Variants in HLA-DRB1 observed in about 807,000 individuals in gnomAD.
The protein encoded by HLA-DRB1 is major histocompatibility complex, class II, DR beta 1.
HLA-DRB1 carries 10 observed loss-of-function variants against 27.9 expected under a neutral mutation model. That is an observed-to-expected ratio of 0.36 (90% CI 0.22 to 0.61). The LOEUF (loss-of-function observed/expected upper bound fraction) is 0.61, where lower values mean the gene tolerates loss of function less well. Ranked by LOEUF, HLA-DRB1 falls within the 20% of genes least tolerant of loss-of-function variation. The pLI, the probability that HLA-DRB1 is intolerant of heterozygous loss-of-function variation, is 0.73. For synonymous variants in HLA-DRB1, 57 were observed against 126.7 expected (o/e 0.45, Z 3.69); for missense variants, 118 against 306.3 (o/e 0.39, Z 4.59).
At chr6:32,589,044 C>A (rs28724224) in intron 1 of HLA-DRB1, among the ~76,000 whole-genome samples, 10,391 of 83,868 alleles carry the variant, frequency 0.12, 666 homozygotes, top group African/African-American at 0.15. Flanking sequence ...CTTTTCCCCA[C>A]AAGAAAGGAA....
At chr6:32,585,276 G>C (rs9270019) in intron 1 of HLA-DRB1, among the ~76,000 whole-genome samples, 35,632 of 60,804 alleles carry the variant, frequency 0.59, 14,815 homozygotes, top group Admixed American at 0.65. Flanking sequence ...ATCAGAAATT[G>C]TGTCAATAAT....
chr6:32,582,489 G>A (rs41293224), intron 2 of HLA-DRB1, among the ~76,000 whole-genome samples: 19,465 of 75,448 alleles, frequency 0.26, 2,472 homozygotes, highest in Middle Eastern at 0.44. Flanking sequence ...GGTACATGAG[G>A]AAACCAAGTA....
At chr6:32,584,017 TCA>T (rs776532129) in intron 2 of HLA-DRB1, 90 bp downstream of exon 2, 12,065 of 173,800 alleles carry the variant, frequency 0.069, 111 homozygotes, top group Non-Finnish European at 0.085. Flanking sequence ...TGTCTCTCTC[TCA>T]CACACACACA....
chr6:32,583,484 A>G (rs41284708), intron 2 of HLA-DRB1, among the ~76,000 whole-genome samples: 1,779 of 40,252 alleles, frequency 0.044, 160 homozygotes, highest in Middle Eastern at 0.091. Context: ...TACACACTGA[A>G]AAAAACAAAA....
chr6:32,582,290 C>T (rs9269833), intron 2 of HLA-DRB1, among the ~76,000 whole-genome samples: 47,686 of 113,198 alleles, frequency 0.42, 12,515 homozygotes, highest in Middle Eastern at 0.5. Context: ...GATTAATGCA[C>T]GTAAAATATA....
chr6:32,587,941 A>G (rs1181952033), intron 1 of HLA-DRB1, among the ~76,000 whole-genome samples: 5 of 149,136 alleles, frequency 3.4e-5, no homozygotes, highest in Admixed American at 1.3e-4. Flanking sequence ...AGTGTGGTTT[A>G]CATGAATAAA....
At position 32,584,170 on chromosome 6, in the gene HLA-DRB1, C is replaced by T. The variant is rs17880261; in HGVS notation, c.309G>A (p.Ala103=). The stretch of plus-strand genomic sequence containing the variant: ...AGTTGTGTCTGCAGTAGGTGTCCAC[C>T]GCGGCCCGCGCCTGCTCCAGGATGT... The change falls in exon 2 of 6, where the codon GCG becomes GCA. Residue 103 remains alanine, a synonymous_variant. Transcript: ENST00000360004. 2.0e-3 allele frequency: 2,273 copies of T among 1,149,490 alleles called. 3 individuals are homozygous for T. The highest frequency in any genetic ancestry group is 4.6e-3 in the East Asian group (143 of 30,826). The allele number at this position is 1,149,490 out of a possible 1,614,324, so 71.2% of individuals were successfully genotyped here.
chr6:32,584,790 C>T (rs41287327), intron 1 of HLA-DRB1, among the ~76,000 whole-genome samples: 6,688 of 79,180 alleles, frequency 0.084, 344 homozygotes, highest in Non-Finnish European at 0.098. Context: ...GTGAACACTT[C>T]CTTAGTGATG....
intron 2 of HLA-DRB1, among the ~76,000 whole-genome samples, chr6:32,582,827 G>A (rs1194599870): frequency 1.6e-5 from 2 of 124,208 alleles, no homozygotes; most frequent in East Asian, 4.8e-4. Flanking sequence ...CTTATGCCCA[G>A]GAAAATCCCC....
intron 1 of HLA-DRB1, among the ~76,000 whole-genome samples, chr6:32,584,721 G>C (rs9269981): frequency 4.4e-5 from 1 of 22,524 alleles, no homozygotes; most frequent in Non-Finnish European, 9.5e-5. Flanking sequence ...GACACTCTCT[G>C]CTCCTCTCAT....
At chr6:32,585,668 A>G (rs879262964) in intron 1 of HLA-DRB1, among the ~76,000 whole-genome samples, 1 of 110,260 alleles carries the variant, frequency 9.1e-6, no homozygotes, top group African/African-American at 3.5e-5. Flanking sequence ...GTCATTCTGA[A>G]GACATAGGGC....
At chr6:32,585,319 T>G (rs1776239314) in intron 1 of HLA-DRB1, among the ~76,000 whole-genome samples, 2 of 74,750 alleles carry the variant, frequency 2.7e-5, no homozygotes, top group Non-Finnish European at 5.5e-5. Context: ...TCACTAATGA[T>G]GGTCAAACTC....
chr6:32,586,859 T>A, intron 1 of HLA-DRB1, among the ~76,000 whole-genome samples: 1 of 87,232 alleles, frequency 1.1e-5, no homozygotes, highest in African/African-American at 4.1e-5. Context: ...TCCTTAGGAA[T>A]AAGCTTGATT....
At chr6:32,587,682 T>TA (rs200684154) in intron 1 of HLA-DRB1, among the ~76,000 whole-genome samples, 3 of 63,786 alleles carry the variant, frequency 4.7e-5, no homozygotes, top group African/African-American at 1.9e-4. Context: ...CTTTCTCAGG[T>TA]GGAGCTCCCT....
At position 32,589,355 on chromosome 6, in the gene HLA-DRB1, T is replaced by A. The variant is rs1300302692; in HGVS notation, c.100+288A>T. ...GTATGGGGAATTTATTTTAGAATCC[T>A]TATTTCTAAATCCTCTAAAGACCCT... is the stretch of plus-strand genomic sequence containing the variant. On this transcript the variant is annotated intron_variant, in intron 1 of 5. Transcript: ENST00000360004. Among the ~76,000 whole-genome samples the A allele has an allele frequency of 8.7e-3, 1,261 of 145,096 alleles. 4 individuals carry two copies. Among genetic ancestry groups the A allele is most frequent in the South Asian group, 0.026 (115 of 4,386 alleles).
intron 1 of HLA-DRB1, among the ~76,000 whole-genome samples, chr6:32,588,817 A>ATG (rs9281890): frequency 9.2e-6 from 1 of 108,322 alleles, no homozygotes. Flanking sequence ...TAATTTATAC[A>ATG]TTAGTTAAAT....
At chr6:32,586,494 G>T (rs9270085) in intron 1 of HLA-DRB1, among the ~76,000 whole-genome samples, 25,210 of 58,874 alleles carry the variant, frequency 0.43, 9,103 homozygotes, top group Middle Eastern at 0.59. Flanking sequence ...TTACACACAT[G>T]ATGTTCTCTT....
At chr6:32,589,005 A>G (rs1581824762) in intron 1 of HLA-DRB1, among the ~76,000 whole-genome samples, 2 of 102,996 alleles carry the variant, frequency 1.9e-5, no homozygotes, top group Non-Finnish European at 4.1e-5. Context: ...GACTCCAAGT[A>G]TTAACAATCT....
At chr6:32,580,917 T>A (rs28732290) in intron 3 of HLA-DRB1, 61 bp from the exon 4 acceptor site, 60,509 of 1,005,472 alleles carry the variant, frequency 0.06, 1,079 homozygotes, top group Non-Finnish European at 0.068. Flanking sequence ...TACTTGAGAC[T>A]CTAAGATTTA....
Sources: allele counts gnomAD v4.1 joint callset (sites outside exome capture counted in the v4.1 genomes callset), GRCh38; gene constraint gnomAD v4.1.1; transcripts MANE v1.5; gene names NCBI Gene and HGNC (gene_info 2026-07-23, HGNC 2026-07-21).